CFAP77: variants seen among roughly 807,000 people sequenced by gnomAD.
The protein encoded by CFAP77 is cilia and flagella associated protein 77, also known as cilia- and flagella-associated protein 77.
Under a neutral mutation model 31.1 loss-of-function variants are expected in CFAP77, and 25 were observed. The ratio of observed to expected loss-of-function variants is 0.80; its 90% CI spans 0.59 to 1.12. CFAP77 has a LOEUF of 1.12. CFAP77 is among the 50% of genes most tolerant of loss of function. CFAP77 has a pLI of 0.00. For synonymous variants in CFAP77, 151 were observed against 159.9 expected, an observed-to-expected ratio of 0.94 and a Z score of 0.42; for missense variants, 377 against 397.3, an observed-to-expected ratio of 0.95 and a Z score of 0.44.
At chr9:132,447,917 G>A (rs1850755319) in intron 1 of CFAP77, among the ~76,000 whole-genome samples, 1 of 152,200 alleles carries the variant, frequency 6.6e-6, no homozygotes. Flanking sequence ...AAGGCAGTGA[G>A]ATTATTTGTT....
Position 132,552,195 on chromosome 9 carries a change from C to T in CFAP77, c.732+9148C>T, listed in dbSNP as rs576885715. 6.6e-5 allele frequency among the ~76,000 whole-genome samples: 10 copies of T among 152,320 alleles called. No homozygotes were observed. The highest frequency in any genetic ancestry group is 2.4e-4 in the African/African-American group (10 of 41,574). ...AGGTCCCAGCCTGCCTCATGCCCGCCCCAGGTCTGCATCTGTGAAGTGGGG... is the reference window on the plus strand; with the variant it reads ...AGGTCCCAGCCTGCCTCATGCCCGCTCCAGGTCTGCATCTGTGAAGTGGGG... On this transcript the variant is annotated intron_variant, in intron 5 of 5. Coordinates refer to ENST00000393216, the MANE Select transcript of CFAP77 (RefSeq NM_001282957.2). This position sits in a 1 kb window ranked among gnomAD's most constrained non-coding sequence, Gnocchi z 5.5.
Position 132,410,248 on chromosome 9 carries a change from G to C in CFAP77, c.-24G>C, listed in dbSNP as rs1443292112. Reference sequence around the variant, plus strand: ...GAAGCGCGCCCAAACCAGCCCGCGGGCCGGCTCCCCGGCGACCTCAAGGAT... The same window carrying C: ...GAAGCGCGCCCAAACCAGCCCGCGGCCCGGCTCCCCGGCGACCTCAAGGAT... On this transcript the variant is annotated 5_prime_UTR_variant, in exon 1 of 6. Coordinates refer to ENST00000393216, the MANE Select transcript of CFAP77 (RefSeq NM_001282957.2). 3 of 1,537,866 alleles carry C rather than the reference G, an allele frequency of 2.0e-6. No individual in the cohort carries two copies. Among genetic ancestry groups the C allele is most frequent in the Non-Finnish European group, 2.6e-6 (3 of 1,144,882 alleles).
In CFAP77 at chr9:132,419,682, C is replaced by CT. The variant is rs139792945; in HGVS notation, c.195+9225dup. On this transcript the variant is annotated intron_variant, in intron 1 of 5. Coordinates refer to ENST00000393216, the MANE Select transcript of CFAP77 (RefSeq NM_001282957.2). ...AGATCTTTAAGAGCCAAGATATTGG[C>CT]TTTTTTTTTCCTTTTTATGCATTTA... 5.7e-3 allele frequency among the ~76,000 whole-genome samples: 864 copies of CT among 151,414 alleles called. 4 individuals are homozygous for CT. Among genetic ancestry groups the CT allele is most frequent in the African/African-American group, 0.018 (734 of 41,268 alleles).
In CFAP77 at chr9:132,501,334, G is replaced by A. The variant is rs1287763777; in HGVS notation, c.524+1734G>A. The stretch of plus-strand genomic sequence containing the variant: ...TTTTCTCTAAACAGCCCAGTGCAAA[G>A]GGCGTTGGTGCTACAGACACCTTGA... On this transcript the variant is annotated intron_variant, in intron 3 of 5. Coordinates refer to ENST00000393216, the MANE Select transcript of CFAP77 (RefSeq NM_001282957.2). This position sits in a 1 kb window ranked among gnomAD's most constrained non-coding sequence, Gnocchi z 4.6. Among the ~76,000 whole-genome samples, 1 of 151,992 alleles carries A rather than the reference G, an allele frequency of 6.6e-6. No homozygotes were observed. Among genetic ancestry groups the A allele is most frequent in the East Asian group, 1.9e-4 (1 of 5,192 alleles).
intron 3 of CFAP77, among the ~76,000 whole-genome samples, chr9:132,516,430 G>A (rs1440314831): frequency 2.0e-5 from 3 of 152,198 alleles, no homozygotes; most frequent in Admixed American, 6.5e-5. Flanking sequence ...GTTTCTTGTC[G>A]GGATGAAATG....
rs12003138 is a variant in CFAP77, at chr9:132,495,422, G to A, written c.196-3273G>A. ...AAGTCACATTTTAATTAACTTCCCC[G>A]GCAGTCACTGGAGAGGCCGGATCAT... On this transcript the variant is annotated intron_variant, in intron 1 of 5. Transcript: ENST00000393216. This position sits in a 1 kb window ranked among gnomAD's most constrained non-coding sequence, Gnocchi z 4.2. Among the ~76,000 whole-genome samples the A allele has an allele frequency of 0.067, 10,160 of 152,138 alleles. 433 individuals are homozygous for A. Among genetic ancestry groups the A allele is most frequent in the African/African-American group, 0.11 (4,693 of 41,462 alleles).
At chr9:132,476,334 AC>A (rs1851346440) in intron 1 of CFAP77, among the ~76,000 whole-genome samples, 1 of 151,826 alleles carries the variant, frequency 6.6e-6, no homozygotes, top group Non-Finnish European at 1.5e-5. Flanking sequence ...CTAGTGACCC[AC>A]CCTCCTCTTG....
chr9:132,516,871 GA>G (rs1248743048), intron 3 of CFAP77, among the ~76,000 whole-genome samples: 3 of 152,106 alleles, frequency 2.0e-5, no homozygotes, highest in Non-Finnish European at 4.4e-5. Context: ...TCGCTTGTTA[GA>G]AAAAAACCAC....
intron 5 of CFAP77, among the ~76,000 whole-genome samples, chr9:132,555,187 T>C (rs75630669): frequency 1.2e-3 from 190 of 152,304 alleles, no homozygotes; most frequent in African/African-American, 4.3e-3. Flanking sequence ...CTAATAGTCC[T>C]ATTTGTGACT....
chr9:132,533,315 G>A (rs1852489993), intron 3 of CFAP77, among the ~76,000 whole-genome samples: 2 of 152,196 alleles, frequency 1.3e-5, no homozygotes, highest in Non-Finnish European at 2.9e-5. Flanking sequence ...TGTGTAGGCT[G>A]AGGAACCCCT....
chr9:132,459,058 A>G (rs1300648653), intron 1 of CFAP77, among the ~76,000 whole-genome samples: 1 of 149,700 alleles, frequency 6.7e-6, no homozygotes, highest in Non-Finnish European at 1.5e-5. Flanking sequence ...AGCCCAGTCT[A>G]CAGCCCTGAA....
At chr9:132,562,635 C>T (rs1012781010) in intron 5 of CFAP77, among the ~76,000 whole-genome samples, 4 of 152,180 alleles carry the variant, frequency 2.6e-5, no homozygotes, top group Non-Finnish European at 4.4e-5. Context: ...CACCTGTCCA[C>T]TGCAGTAGCC....
At chr9:132,542,683 TCC>T (rs1162078395) in intron 4 of CFAP77, among the ~76,000 whole-genome samples, 4 of 152,316 alleles carry the variant, frequency 2.6e-5, no homozygotes, top group Admixed American at 2.0e-4. Context: ...CACGCTGGAA[TCC>T]CACATGTTCC....
intron 1 of CFAP77, among the ~76,000 whole-genome samples, chr9:132,415,429 C>T (rs1850079277): frequency 6.6e-6 from 1 of 152,228 alleles, no homozygotes; most frequent in Non-Finnish European, 1.5e-5. Flanking sequence ...GGCTCGTCAC[C>T]ACCCTGGGGC....
intron 5 of CFAP77, among the ~76,000 whole-genome samples, chr9:132,566,415 G>A (rs1416950516): frequency 6.6e-6 from 1 of 152,182 alleles, no homozygotes; most frequent in African/African-American, 2.4e-5. Flanking sequence ...GCGTTCCAAG[G>A]CTTGTGTGAA....
At chr9:132,468,025 C>T (rs1851184697) in intron 1 of CFAP77, among the ~76,000 whole-genome samples, 1 of 152,018 alleles carries the variant, frequency 6.6e-6, no homozygotes, top group Non-Finnish European at 1.5e-5. Flanking sequence ...TGCATCCAAC[C>T]CTTCAAAGGC....
At chr9:132,477,717 T>C (rs1020052172) in intron 1 of CFAP77, among the ~76,000 whole-genome samples, 1 of 152,178 alleles carries the variant, frequency 6.6e-6, no homozygotes, top group Non-Finnish European at 1.5e-5. Flanking sequence ...CTGGCTCCCT[T>C]TCTTGAGCAT....
chr9:132,571,883 A>ATT (rs35207512), intron 5 of CFAP77, among the ~76,000 whole-genome samples: 8,272 of 141,626 alleles, frequency 0.058, 285 homozygotes, highest in Non-Finnish European at 0.087. Flanking sequence ...TCTCCCTTGC[A>ATT]TTTTTTTTTT....
In CFAP77 at chr9:132,498,612, T is replaced by G; in HGVS notation, c.196-83T>G. 1 of 1,057,896 alleles carries G rather than the reference T, an allele frequency of 9.5e-7. No homozygotes were observed. The highest frequency in any genetic ancestry group is 1.4e-6 in the Non-Finnish European group (1 of 705,482). 65.5% of individuals were successfully genotyped at this position (1,057,896 alleles called of 1,614,324 possible). A position where few individuals can be genotyped will look rare whatever the true frequency, so the allele number is the denominator to read the frequency against. ...AGGGCCTGGGGGAAATGCAGGCATC[T>G]GGTGCCTCCCTGCTGCCGGATTACA... On this transcript the variant is annotated intron_variant, in intron 1 of 5. Coordinates refer to ENST00000393216, the MANE Select transcript of CFAP77 (RefSeq NM_001282957.2). This position sits in a 1 kb window ranked among gnomAD's most constrained non-coding sequence, Gnocchi z 4.2.
Sources: allele counts gnomAD v4.1 joint callset (sites outside exome capture counted in the v4.1 genomes callset), GRCh38; gene constraint gnomAD v4.1.1; non-coding constraint Gnocchi (gnomAD v3.1); transcripts MANE v1.5; gene names NCBI Gene and HGNC (gene_info 2026-07-23, HGNC 2026-07-21).